The following FAM184A variants were observed in gnomAD, a reference collection of about 807,000 sequenced individuals.
The protein encoded by FAM184A is family with sequence similarity 184 member A.
In FAM184A, 99 loss-of-function variants were observed where a neutral mutation model predicts 143.8. The observed-to-expected ratio is 0.69, with a 90% CI of 0.58 to 0.81. The LOEUF (loss-of-function observed/expected upper bound fraction) is 0.81. Among genes scored for constraint, FAM184A ranks in the 40% least tolerant of loss-of-function variants. The pLI, the probability that FAM184A is intolerant of heterozygous loss-of-function variation, is 0.00. For synonymous variants in FAM184A, 427 were observed against 446.4 expected, an observed-to-expected ratio of 0.96 and a Z score of 0.55; for missense variants, 1,217 against 1,310.5, an observed-to-expected ratio of 0.93 and a Z score of 1.10.
At chr6:119,021,003 G>C (rs769494287) in intron 3 of FAM184A, among the ~76,000 whole-genome samples, 6 of 152,102 alleles carry the variant, frequency 3.9e-5, no homozygotes, top group Non-Finnish European at 8.8e-5. Context: ...TGAAGAAAAA[G>C]GTCTCATAGA....
chr6:119,076,355 A>G (rs1165562129), intron 1 of FAM184A, among the ~76,000 whole-genome samples: 1 of 152,216 alleles, frequency 6.6e-6, no homozygotes, highest in Non-Finnish European at 1.5e-5. Context: ...CGTAACACTC[A>G]GTAAAGATCA....
chr6:119,099,793 C>T (rs188249477), intron 1 of FAM184A, among the ~76,000 whole-genome samples: 1 of 152,222 alleles, frequency 6.6e-6, no homozygotes, highest in African/African-American at 2.4e-5. Flanking sequence ...AACTCCACAC[C>T]CCTTCCCATA....
At chr6:118,982,735 A>G (rs1473575982) in intron 9 of FAM184A, among the ~76,000 whole-genome samples, 1 of 152,220 alleles carries the variant, frequency 6.6e-6, no homozygotes, top group East Asian at 1.9e-4. Context: ...CAGACCTCTC[A>G]TACGTTAATT....
At chr6:118,999,228 A>G (rs1784671938) in intron 9 of FAM184A, among the ~76,000 whole-genome samples, 1 of 152,218 alleles carries the variant, frequency 6.6e-6, no homozygotes, top group Admixed American at 6.5e-5. Flanking sequence ...TATCCATTCA[A>G]GAGTTCAGTT....
chr6:119,053,197 G>A (rs923444279), intron 1 of FAM184A, among the ~76,000 whole-genome samples: 68 of 152,146 alleles, frequency 4.5e-4, no homozygotes, highest in African/African-American at 1.5e-3. Context: ...AGTTAGGGGA[G>A]AGGTGCCCTC....
chr6:119,111,768 G>C (rs1344668361), intron 1 of FAM184A, among the ~76,000 whole-genome samples: 1 of 152,210 alleles, frequency 6.6e-6, no homozygotes, highest in Non-Finnish European at 1.5e-5. Context: ...GCATGTAGTA[G>C]ATTCAGCTGC....
rs1200158384 is a variant in FAM184A at position 119,002,997 on chromosome 6, T to C, written c.1990A>G (p.Lys664Glu). The change falls in exon 9 of 18, where the codon AAG becomes GAG. Residue 664 changes from lysine to glutamate, a missense_variant. Coordinates refer to ENST00000338891, the MANE Select transcript of FAM184A (RefSeq NM_024581.6). ...EELRLQHEED[K>E]KSAMSQLLQL... ...AAAAGTTGAGACATTGCTGACTTCTTATCCTCTTCATGTTGAAGCCTTAAC... is the reference window on the plus strand; with the variant it reads ...AAAAGTTGAGACATTGCTGACTTCTCATCCTCTTCATGTTGAAGCCTTAAC... 1.2e-6 allele frequency: 2 copies of C among 1,612,866 alleles called. No individual in the cohort carries two copies. The highest frequency in any genetic ancestry group is 1.1e-5 in the South Asian group (1 of 90,908).
intron 14 of FAM184A, among the ~76,000 whole-genome samples, chr6:118,971,987 CAA>C (rs1176099630): frequency 3.3e-5 from 5 of 152,156 alleles, no homozygotes; most frequent in Admixed American, 1.3e-4. Flanking sequence ...CTTCTGATTT[CAA>C]AGTTTTAAAG....
chr6:119,132,683 G>T (rs638083), intron 1 of FAM184A, among the ~76,000 whole-genome samples: 1 of 152,168 alleles, frequency 6.6e-6, no homozygotes, highest in Non-Finnish European at 1.5e-5. Context: ...CGGACTTACA[G>T]CTCTCTTTTC....
intron 4 of FAM184A, among the ~76,000 whole-genome samples, chr6:119,017,699 G>A (rs1207821254): frequency 1.3e-5 from 2 of 152,192 alleles, no homozygotes; most frequent in Non-Finnish European, 2.9e-5. Context: ...AAAAAGGGAT[G>A]TTGACACAGG....
intron 9 of FAM184A, among the ~76,000 whole-genome samples, chr6:118,988,735 C>T (rs1042730480): frequency 6.6e-6 from 1 of 152,100 alleles, no homozygotes; most frequent in African/African-American, 2.4e-5. Flanking sequence ...TTATTTACAA[C>T]ATAGGCTCAT....
intron 1 of FAM184A, among the ~76,000 whole-genome samples, chr6:119,036,734 G>T (rs1786129591): frequency 6.6e-6 from 1 of 152,252 alleles, no homozygotes; most frequent in East Asian, 1.9e-4. Flanking sequence ...AGAAAAGTAT[G>T]AATGTTCTTA....
intron 1 of FAM184A, among the ~76,000 whole-genome samples, chr6:119,141,940 A>G (rs1400482816): frequency 6.6e-6 from 1 of 152,232 alleles, no homozygotes; most frequent in African/African-American, 2.4e-5. Flanking sequence ...CCTTAAAGGA[A>G]TCACACAACA....
intron 17 of FAM184A, among the ~76,000 whole-genome samples, chr6:118,960,385 T>G (rs1466723310): frequency 6.6e-6 from 1 of 152,182 alleles, no homozygotes; most frequent in Non-Finnish European, 1.5e-5. Flanking sequence ...GCAGCTCAAA[T>G]GAAGTCAGTT....
At chr6:118,989,353 T>G (rs879338260) in intron 9 of FAM184A, among the ~76,000 whole-genome samples, 7 of 152,310 alleles carry the variant, frequency 4.6e-5, no homozygotes, top group Admixed American at 3.3e-4. Flanking sequence ...AATTTCATTT[T>G]CAATCACCTC....
rs143203082 is a variant in FAM184A at position 119,072,971 on chromosome 6, C to T, written c.159+5170G>A. Among the ~76,000 whole-genome samples, 709 of 152,200 alleles carry T rather than the reference C, an allele frequency of 4.7e-3. 8 individuals are homozygous for T. The highest frequency in any genetic ancestry group is 0.032 in the East Asian group (167 of 5,192). On this transcript the variant is annotated intron_variant, in intron 1 of 17. Transcript: ENST00000338891. ...TGACCACCATCTTCTTCAGTAAATA[C>T]TTATTAAGCTTTGGTACTATGTGCA...
At chr6:119,140,659 G>A (rs1772199458) in intron 1 of FAM184A, among the ~76,000 whole-genome samples, 1 of 152,164 alleles carries the variant, frequency 6.6e-6, no homozygotes, top group South Asian at 2.1e-4. Context: ...TGCTGTTGCA[G>A]TTTGAAGTCT....
intron 1 of FAM184A, among the ~76,000 whole-genome samples, chr6:119,036,900 G>A (rs1462188326): frequency 2.0e-5 from 3 of 152,124 alleles, no homozygotes; most frequent in Non-Finnish European, 4.4e-5. Flanking sequence ...AGAAAGAACT[G>A]GATAAAGATT....
chr6:118,973,465 G>A (rs1783756031), intron 14 of FAM184A, among the ~76,000 whole-genome samples: 1 of 152,126 alleles, frequency 6.6e-6, no homozygotes, highest in African/African-American at 2.4e-5. Context: ...AAGAAATAAG[G>A]GTTGCTGTTG....
Sources: gnomAD v4.1 joint callset for allele counts (sites outside exome capture counted in the v4.1 genomes callset) on GRCh38, gnomAD v4.1.1 for gene constraint, MANE v1.5 for transcripts, NCBI Gene and HGNC (gene_info 2026-07-23, HGNC 2026-07-21) for gene names.